The following SNUPN variants were observed in gnomAD, a reference collection of about 807,000 sequenced individuals.
SNUPN encodes the protein snurportin 1, also known as snurportin-1.
SNUPN carries 31 observed loss-of-function variants against 39.2 expected under a neutral mutation model. That is an observed-to-expected ratio of 0.79 (90% CI 0.59 to 1.07). SNUPN has a LOEUF of 1.07. Ranked by LOEUF, SNUPN falls within the 50% of genes least tolerant of loss-of-function variation. The pLI is 0.00. For synonymous variants in SNUPN, 132 were observed against 159.0 expected (o/e 0.83, Z 1.28); for missense variants, 382 against 434.2 (o/e 0.88, Z 1.07).
intron 3 of SNUPN, among the ~76,000 whole-genome samples, chr15:75,616,146 G>GT (rs59630734): frequency 0.39 from 57,255 of 147,188 alleles, 12,872 homozygotes; most frequent in African/African-American, 0.61. Flanking sequence ...ATTCTATTGT[G>GT]TTTTTTTTTT....
upstream of SNUPN, chr15:75,626,373 T>G (rs1027671166): frequency 6.6e-6 from 1 of 152,192 alleles, no homozygotes; most frequent in Non-Finnish European, 1.5e-5. Context: ...CAGTAGACCC[T>G]GCGTGAAGGA....
At chr15:75,616,219 G>A (rs930437094) in intron 3 of SNUPN, among the ~76,000 whole-genome samples, 1 of 150,866 alleles carries the variant, frequency 6.6e-6, no homozygotes, top group African/African-American at 2.4e-5. Context: ...CACTTTGGGA[G>A]GCCGAGGGGG....
At chr15:75,601,326 G>C in intron 7 of SNUPN, 108 bp from the exon 8 acceptor site, 1 of 752,288 alleles carries the variant, frequency 1.3e-6, no homozygotes, top group Non-Finnish European at 2.3e-6. Context: ...TGTAATCCCA[G>C]CACTTTGGGA....
At position 75,621,006 on chromosome 15, in the gene SNUPN, G is replaced by A. The variant is rs1893054962; in HGVS notation, c.46C>T (p.Gln16Ter). ...GGGGCAGCTGTGCTGTTCAGATCTTGAGACACAGAAAAGCTACTAGCCAGG... is the reference window on the plus strand; with the variant it reads ...GGGGCAGCTGTGCTGTTCAGATCTTAAGACACAGAAAAGCTACTAGCCAGG... ...QALASSFSVS[Q>*]DLNSTAAPHP... The change falls in exon 2 of 9, where the codon CAA becomes TAA. Residue 16 changes from glutamine (Q) to a stop codon, truncating the protein, a stop_gained. Transcript: ENST00000308588. LOFTEE classifies it high-confidence loss of function. 6.2e-7 allele frequency: 1 copy of A among 1,614,004 alleles called. No homozygotes were observed. The highest frequency in any genetic ancestry group is 8.5e-7 in the Non-Finnish European group (1 of 1,180,018).
In SNUPN at chr15:75,609,548, A is replaced by C; in HGVS notation, c.502+10T>G. 1 of 1,604,666 alleles carries C rather than the reference A, an allele frequency of 6.2e-7. No individual in the cohort carries two copies. The highest frequency in any genetic ancestry group is 8.5e-7 in the Non-Finnish European group (1 of 1,171,310). ...TTACTGATCAATAAGTAGACACTCT[A>C]TGTAGGTACCTTTTGCTGTTGAGTT... On this transcript the variant is annotated intron_variant, in intron 5 of 8. Coordinates refer to ENST00000308588, the MANE Select transcript of SNUPN (RefSeq NM_005701.4).
At chr15:75,606,977 ATTTC>A (rs1370939988) in intron 6 of SNUPN, among the ~76,000 whole-genome samples, 11 of 152,226 alleles carry the variant, frequency 7.2e-5, no homozygotes, top group Non-Finnish European at 1.6e-4. Flanking sequence ...CACCCCTGCC[ATTTC>A]TTTCTTTCTT....
intron 1 of SNUPN, chr15:75,622,607 G>T: frequency 1.8e-6 from 1 of 567,144 alleles, no homozygotes; most frequent in Non-Finnish European, 2.2e-6. Flanking sequence ...TGCTGGGCTG[G>T]CCCAGCCCTT....
chr15:75,601,525 T>C (rs1302849298), intron 7 of SNUPN, among the ~76,000 whole-genome samples: 1 of 152,020 alleles, frequency 6.6e-6, no homozygotes, highest in Admixed American at 6.6e-5. Context: ...CAGTGAGCCA[T>C]GATCATGCCA....
At position 75,615,662 on chromosome 15, in the gene SNUPN, T is replaced by C. The variant is rs572552234; in HGVS notation, c.303+1746A>G. ...TGTCGCCCAGGCTGGAGTGCAGTGG[T>C]GTGATCTCGGCTCACTGCAAGCTCC... On this transcript the variant is annotated intron_variant, in intron 3 of 8. Transcript: ENST00000308588. 3.1e-3 allele frequency among the ~76,000 whole-genome samples: 425 copies of C among 135,916 alleles called. 1 individual carries two copies. The highest frequency in any genetic ancestry group is 0.012 in the African/African-American group (406 of 34,956). 89.2% of individuals were successfully genotyped at this position (135,916 alleles called of 152,430 possible). A position where few individuals can be genotyped will look rare whatever the true frequency, so the allele number is the denominator to read the frequency against.
chr15:75,621,287 GTCTC>G (rs1033866226), intron 1 of SNUPN, among the ~76,000 whole-genome samples: 8 of 148,706 alleles, frequency 5.4e-5, no homozygotes, highest in African/African-American at 2.0e-4. Context: ...TTGAGACAGG[GTCTC>G]TCTCTATCAC....
rs1012069143 is a variant in SNUPN, at chr15:75,613,081, C to T, written c.304-3087G>A. On this transcript the variant is annotated intron_variant, in intron 3 of 8. Coordinates refer to ENST00000308588, the MANE Select transcript of SNUPN (RefSeq NM_005701.4). The stretch of plus-strand genomic sequence containing the variant: ...GACCATCCTGGCTAACACAGTGAAA[C>T]CTCGTCTCTACTGAAAATACAAAAA... Among the ~76,000 whole-genome samples, 3 of 151,800 alleles carry T rather than the reference C, an allele frequency of 2.0e-5. No homozygotes were observed. The South Asian group carries it at 6.2e-4, about 31-fold the overall frequency.
At chr15:75,613,494 T>G (rs1044093742) in intron 3 of SNUPN, among the ~76,000 whole-genome samples, 1 of 150,370 alleles carries the variant, frequency 6.7e-6, no homozygotes, top group African/African-American at 2.4e-5. Context: ...AATACAAAAA[T>G]TAGCCGGAAG....
chr15:75,600,990 A>C, intron 8 of SNUPN, 148 bp downstream of exon 8: 1 of 652,608 alleles, frequency 1.5e-6, no homozygotes, highest in Admixed American at 2.2e-5. Context: ...TCTGAAGGGC[A>C]GCAAGTACAT....
At position 75,599,845 on chromosome 15, in the gene SNUPN, T is replaced by C. The variant is rs531444146; in HGVS notation, c.760-1164A>G. Among the ~76,000 whole-genome samples, 6 of 151,858 alleles carry C rather than the reference T, an allele frequency of 4.0e-5. No homozygotes were observed. The East Asian group carries it at 9.7e-4, about 24-fold the overall frequency. On this transcript the variant is annotated intron_variant, in intron 8 of 8. Coordinates refer to ENST00000308588, the MANE Select transcript of SNUPN (RefSeq NM_005701.4). ...TGCAGTGACTGGGCAGATTTTTTTT[T>C]TTTTTTTTCTTTCTGAGATGGAGTT...
chr15:75,610,789 G>A (rs1892758477), intron 3 of SNUPN, among the ~76,000 whole-genome samples: 1 of 152,092 alleles, frequency 6.6e-6, no homozygotes, highest in South Asian at 2.1e-4. Flanking sequence ...ACGAAACAAC[G>A]CCAAACCAAA....
intron 6 of SNUPN, among the ~76,000 whole-genome samples, chr15:75,606,472 T>C (rs1483953075): frequency 6.6e-6 from 1 of 151,820 alleles, no homozygotes. Flanking sequence ...GATAAACTAA[T>C]TGACAGGGAG....
At position 75,598,262 on chromosome 15, in the gene SNUPN, C is replaced by G. The variant is rs1391124076; in HGVS notation, c.*96G>C. The G allele has an allele frequency of 1.0e-6, 1 of 1,001,038 alleles. No homozygotes were observed. Among genetic ancestry groups the G allele is most frequent in the Non-Finnish European group, 1.5e-6 (1 of 687,130 alleles). The allele number at this position is 1,001,038 out of a possible 1,614,324, so 62.0% of individuals were successfully genotyped here. A position where few individuals can be genotyped will look rare whatever the true frequency, so the allele number is the denominator to read the frequency against. The stretch of plus-strand genomic sequence containing the variant: ...CTGGACTGGGTTTGGAAAGTTCACT[C>G]TAAAGAATGAAGTCACCTGTTGTCA... On this transcript the variant is annotated 3_prime_UTR_variant, in exon 9 of 9. Transcript: ENST00000308588.
chr15:75,599,362 T>C (rs138249159), intron 8 of SNUPN, among the ~76,000 whole-genome samples: 196 of 151,438 alleles, frequency 1.3e-3, no homozygotes, highest in African/African-American at 4.5e-3. Flanking sequence ...TGAACTCTGG[T>C]CTTCTGTCCC....
At chr15:75,626,419 C>T (rs1893228391), upstream of SNUPN, 2 of 152,204 alleles carry the variant, frequency 1.3e-5, no homozygotes, top group African/African-American at 4.8e-5. Flanking sequence ...GGGTAAGCGG[C>T]AGAGATTTAG....
Sources: gnomAD v4.1 joint callset for allele counts (sites outside exome capture counted in the v4.1 genomes callset) on GRCh38, gnomAD v4.1.1 for gene constraint, MANE v1.5 for transcripts, NCBI Gene and HGNC (gene_info 2026-07-23, HGNC 2026-07-21) for gene names.